The following MEMO1 variants were observed in gnomAD, a reference collection of about 807,000 sequenced individuals.
MEMO1 encodes the protein mediator of cell motility 1.
A neutral mutation model predicts 45.2 loss-of-function variants in MEMO1; 6 were observed. That is an observed-to-expected ratio of 0.13 (90% confidence interval 0.07 to 0.26). The LOEUF is 0.26. Among genes scored for constraint, MEMO1 ranks in the 10% least tolerant of loss-of-function variants. MEMO1 has a pLI of 1.00. For missense variants in MEMO1, 184 were observed against 370.5 expected, an observed-to-expected ratio of 0.50 and a Z score of 4.13; for synonymous variants, 78 against 124.3, an observed-to-expected ratio of 0.63 and a Z score of 2.48.
rs5830219 is a variant in MEMO1 at position 31,999,882 on chromosome 2, A to AT, written c.61+10304dup. The stretch of plus-strand genomic sequence containing the variant: ...GCTTGTTCTTTCACCTGCATCAGGC[A>AT]TTTTTTTTTTTTTTTTTTTTGGACA... On this transcript the variant is annotated intron_variant, in intron 2 of 9. Transcript: ENST00000404530. 9.5e-3 allele frequency among the ~76,000 whole-genome samples: 1,171 copies of AT among 123,062 alleles called. 19 individuals carry two copies. The highest frequency in any genetic ancestry group is 0.069 in the South Asian group (261 of 3,800). 80.7% of individuals were successfully genotyped at this position (123,062 alleles called of 152,430 possible).
At chr2:31,950,241 C>G (rs954893883) in intron 2 of MEMO1, among the ~76,000 whole-genome samples, 2 of 151,678 alleles carry the variant, frequency 1.3e-5, no homozygotes, top group Admixed American at 6.6e-5. Flanking sequence ...AGCAGCTGAG[C>G]ATGATGACAG....
intron 2 of MEMO1, among the ~76,000 whole-genome samples, chr2:32,000,729 C>T (rs1007462206): frequency 1.3e-5 from 2 of 152,092 alleles, no homozygotes; most frequent in African/African-American, 2.4e-5. Flanking sequence ...TAAACATTCC[C>T]TATGCACCAG....
intron 2 of MEMO1, among the ~76,000 whole-genome samples, chr2:32,008,808 C>A (rs1185958635): frequency 6.6e-6 from 1 of 152,170 alleles, no homozygotes; most frequent in African/African-American, 2.4e-5. Context: ...TTTTGTGTCT[C>A]CCTAACACAG....
At chr2:31,902,157 C>G (rs1678938931) in intron 6 of MEMO1, among the ~76,000 whole-genome samples, 1 of 151,998 alleles carries the variant, frequency 6.6e-6, no homozygotes, top group African/African-American at 2.4e-5. Flanking sequence ...TGGCTCACAC[C>G]TGTAATCCCA....
At chr2:31,874,444 T>C (rs147812594) in intron 8 of MEMO1, among the ~76,000 whole-genome samples, 1 of 152,190 alleles carries the variant, frequency 6.6e-6, no homozygotes, top group East Asian at 1.9e-4. Context: ...TCCTATATTT[T>C]ATGTGTTTTT....
intron 6 of MEMO1, among the ~76,000 whole-genome samples, chr2:31,903,686 A>G (rs1025381233): frequency 2.0e-5 from 3 of 152,240 alleles, no homozygotes; most frequent in Non-Finnish European, 2.9e-5. Flanking sequence ...AAAAAGAGGA[A>G]ACTGAGAAAC....
chr2:31,945,199 A>G (rs753988776), intron 2 of MEMO1, among the ~76,000 whole-genome samples: 1 of 152,232 alleles, frequency 6.6e-6, no homozygotes, highest in Non-Finnish European at 1.5e-5. Context: ...TCAAGTTGAT[A>G]TATGTTGCCC....
At chr2:31,993,315 C>A (rs1396126482) in intron 2 of MEMO1, among the ~76,000 whole-genome samples, 1 of 152,170 alleles carries the variant, frequency 6.6e-6, no homozygotes, top group African/African-American at 2.4e-5. Context: ...TATACAACTA[C>A]AAAAACTAGA....
chr2:31,966,181 T>C (rs1274883308), intron 2 of MEMO1, among the ~76,000 whole-genome samples: 2 of 152,190 alleles, frequency 1.3e-5, no homozygotes, highest in South Asian at 4.1e-4. Context: ...CAAGTCTAAA[T>C]GCAGTTAGCG....
At chr2:31,992,110 T>C (rs1243745725) in intron 2 of MEMO1, among the ~76,000 whole-genome samples, 2 of 152,302 alleles carry the variant, frequency 1.3e-5, no homozygotes, top group East Asian at 1.9e-4. Context: ...CTTTTCCTAA[T>C]AGTCAACATA....
chr2:31,868,590 C>G, intron 9 of MEMO1, 98 bp from the exon 10 acceptor site: 1 of 1,123,574 alleles, frequency 8.9e-7, no homozygotes. Flanking sequence ...CAGCTGAAGC[C>G]TAGATTATCT....
chr2:31,973,220 G>A (rs574621188), intron 2 of MEMO1, among the ~76,000 whole-genome samples: 34 of 152,254 alleles, frequency 2.2e-4, no homozygotes, highest in Admixed American at 3.9e-4. Context: ...TTGGGAGGCC[G>A]AGGTGGGTGG....
rs1674447067 is a variant in MEMO1 at position 31,875,659 on chromosome 2, T to C, written c.658-5707A>G. Among the ~76,000 whole-genome samples the C allele has an allele frequency of 2.0e-5, 3 of 152,098 alleles. No individual in the cohort carries two copies. In the South Asian group the frequency reaches 6.2e-4, roughly 32 times the overall value. On this transcript the variant is annotated intron_variant, in intron 8 of 9. Coordinates refer to ENST00000404530, the MANE Select transcript of MEMO1 (RefSeq NM_001301833.4). ...TACTATCATCTCTCCCTTGAACTTC[T>C]GCCAATGGCCCATTGTTGCTACTTC...
intron 2 of MEMO1, among the ~76,000 whole-genome samples, chr2:31,999,958 C>T (rs1386462417): frequency 6.7e-6 from 1 of 149,598 alleles, no homozygotes; most frequent in Non-Finnish European, 1.5e-5. Context: ...ACATGGTTCA[C>T]TGCAGCCTCC....
At chr2:31,943,470 T>C in intron 2 of MEMO1, 87 bp from the exon 3 acceptor site, 2 of 946,988 alleles carry the variant, frequency 2.1e-6, no homozygotes, top group Non-Finnish European at 3.5e-6. Flanking sequence ...ACTGAACTTA[T>C]GTGGGACTAA....
chr2:31,969,589 GTGTGTGTGTGTGTGTGTGT>G (rs1669103503), intron 2 of MEMO1, among the ~76,000 whole-genome samples: 7 of 43,518 alleles, frequency 1.6e-4, no homozygotes, highest in Non-Finnish European at 2.9e-4. Flanking sequence ...GTGTGTGGGT[GTGTGTGTGTGTGTGTGTGT>G]GTGTGTGTGT....
In MEMO1 at chr2:31,877,180, T is replaced by A. The variant is rs1342775539; in HGVS notation, c.657+6206A>T. Among the ~76,000 whole-genome samples the A allele has an allele frequency of 2.0e-5, 3 of 152,182 alleles. 1 individual carries two copies. The highest frequency in any genetic ancestry group is 2.0e-4 in the Admixed American group (3 of 15,278). Reference sequence around the variant, plus strand: ...GCACTAGGATGGGAAATGGACAAAGTCCCTGTTCTCATGAAGCTTACGTAA... The same window carrying A: ...GCACTAGGATGGGAAATGGACAAAGACCCTGTTCTCATGAAGCTTACGTAA... On this transcript the variant is annotated intron_variant, in intron 8 of 9. Transcript: ENST00000404530.
intron 2 of MEMO1, among the ~76,000 whole-genome samples, chr2:32,002,160 A>ATATAT (rs1280770483): frequency 1.6e-5 from 2 of 127,478 alleles, no homozygotes; most frequent in African/African-American, 6.4e-5. Flanking sequence ...AAAAAAAAAA[A>ATATAT]AAAAAAAAAT....
At chr2:31,871,821 C>A (rs1253643867) in intron 8 of MEMO1, among the ~76,000 whole-genome samples, 2 of 152,072 alleles carry the variant, frequency 1.3e-5, no homozygotes, top group African/African-American at 2.4e-5. Context: ...TGAGACCAGC[C>A]TGGCCAACAT....
Sources: gnomAD v4.1 joint callset for allele counts (sites outside exome capture counted in the v4.1 genomes callset) on GRCh38, gnomAD v4.1.1 for gene constraint, MANE v1.5 for transcripts, NCBI Gene and HGNC (gene_info 2026-07-23, HGNC 2026-07-21) for gene names.